CCDC85A: variants seen among roughly 807,000 people sequenced by gnomAD.
CCDC85A encodes coiled-coil domain-containing protein 85A.
A neutral mutation model predicts 50.2 loss-of-function variants in CCDC85A; 38 were observed. The observed-to-expected ratio is 0.76, with a 90% CI of 0.58 to 0.99. The LOEUF is 0.99. Ranked by LOEUF, CCDC85A falls within the 50% of genes least tolerant of loss-of-function variation. The pLI is 0.00. For synonymous variants in CCDC85A, 366 were observed against 301.4 expected, an observed-to-expected ratio of 1.21 and a Z score of -2.22; for missense variants, 820 against 742.0, an observed-to-expected ratio of 1.11 and a Z score of -1.22.
At chr2:56,378,685 C>T (rs368949501) in intron 5 of CCDC85A, among the ~76,000 whole-genome samples, 8 of 152,236 alleles carry the variant, frequency 5.3e-5, no homozygotes, top group East Asian at 1.9e-4. Context: ...ATTACAGGAT[C>T]GAACTCTAGT....
intron 2 of CCDC85A, among the ~76,000 whole-genome samples, chr2:56,282,295 T>C (rs572563162): frequency 2.0e-5 from 3 of 152,338 alleles, no homozygotes; most frequent in East Asian, 3.9e-4. Flanking sequence ...AACACTGTCT[T>C]GATAACTGTA....
At chr2:56,208,362 T>G (rs189731327) in intron 2 of CCDC85A, among the ~76,000 whole-genome samples, 35 of 152,302 alleles carry the variant, frequency 2.3e-4, no homozygotes, top group African/African-American at 7.9e-4. Context: ...CTCCCACTAT[T>G]ACCCCATTGC....
intron 3 of CCDC85A, among the ~76,000 whole-genome samples, chr2:56,358,791 C>CTTT (rs34321150): frequency 6.8e-6 from 1 of 148,078 alleles, no homozygotes; most frequent in African/African-American, 2.5e-5. Flanking sequence ...TTTTTTCTTT[C>CTTT]TTTTTTTTTT....
intron 1 of CCDC85A, 77 bp downstream of exon 1, chr2:56,184,977 C>T: frequency 7.0e-7 from 1 of 1,418,888 alleles, no homozygotes; most frequent in Non-Finnish European, 9.2e-7. Context: ...GCCAGGCAAA[C>T]TTTCCCTCCC....
At chr2:56,242,813 G>C (rs1669323295) in intron 2 of CCDC85A, among the ~76,000 whole-genome samples, 1 of 152,030 alleles carries the variant, frequency 6.6e-6, no homozygotes, top group Admixed American at 6.6e-5. Context: ...CTCTGCTTGT[G>C]GGGTATTTGT....
intron 2 of CCDC85A, among the ~76,000 whole-genome samples, chr2:56,316,442 A>T (rs772492985): frequency 5.9e-5 from 9 of 152,140 alleles, no homozygotes; most frequent in Non-Finnish European, 1.2e-4. Context: ...GCATAGGAAG[A>T]TCAGCCCAGT....
At chr2:56,382,222 A>G (rs999038688) in intron 5 of CCDC85A, among the ~76,000 whole-genome samples, 2 of 152,068 alleles carry the variant, frequency 1.3e-5, no homozygotes, top group African/African-American at 2.4e-5. Flanking sequence ...AAGATTATGA[A>G]GGCTTGGCTT....
At chr2:56,268,153 A>T (rs1670533297) in intron 2 of CCDC85A, among the ~76,000 whole-genome samples, 1 of 152,190 alleles carries the variant, frequency 6.6e-6, no homozygotes, top group South Asian at 2.1e-4. Context: ...AGTAAGATCA[A>T]GTTTCTAAGT....
At chr2:56,205,082 C>G (rs1410626641) in intron 2 of CCDC85A, among the ~76,000 whole-genome samples, 2 of 152,096 alleles carry the variant, frequency 1.3e-5, no homozygotes, top group East Asian at 1.9e-4. Context: ...ACATAGTTCT[C>G]CACGTTGCTT....
At chr2:56,245,110 T>C (rs985286738) in intron 2 of CCDC85A, among the ~76,000 whole-genome samples, 1 of 152,216 alleles carries the variant, frequency 6.6e-6, no homozygotes, top group Admixed American at 6.5e-5. Flanking sequence ...ACAAGTCCAC[T>C]GGCTGTGAGC....
At chr2:56,383,268 G>A (rs1371466161) in intron 5 of CCDC85A, among the ~76,000 whole-genome samples, 1 of 151,946 alleles carries the variant, frequency 6.6e-6, no homozygotes, top group East Asian at 1.9e-4. Context: ...AACAGTTTAT[G>A]AATAATTAAT....
intron 2 of CCDC85A, among the ~76,000 whole-genome samples, chr2:56,338,981 T>C (rs548661595): frequency 3.9e-5 from 6 of 152,182 alleles, no homozygotes; most frequent in Non-Finnish European, 7.4e-5. Context: ...GAAGAGTGTA[T>C]TTTTGTTTGA....
chr2:56,249,597 G>A (rs777655818), intron 2 of CCDC85A, among the ~76,000 whole-genome samples: 3 of 152,244 alleles, frequency 2.0e-5, no homozygotes, highest in Non-Finnish European at 4.4e-5. Context: ...TGCGTATGCA[G>A]CATCTTTCAT....
At chr2:56,200,768 T>C (rs1368797098) in intron 2 of CCDC85A, among the ~76,000 whole-genome samples, 1 of 152,112 alleles carries the variant, frequency 6.6e-6, no homozygotes, top group Non-Finnish European at 1.5e-5. Flanking sequence ...AGATGGCTGT[T>C]CATTTACCAT....
chr2:56,270,455 A>G (rs1376846778), intron 2 of CCDC85A, among the ~76,000 whole-genome samples: 1 of 152,206 alleles, frequency 6.6e-6, no homozygotes, highest in East Asian at 1.9e-4. Flanking sequence ...GTTAAATAGT[A>G]TCTTCACATT....
chr2:56,263,227 G>T (rs1375920556), intron 2 of CCDC85A, among the ~76,000 whole-genome samples: 1 of 152,162 alleles, frequency 6.6e-6, no homozygotes, highest in African/African-American at 2.4e-5. Context: ...TGCATAAGGG[G>T]AGAAGATGCC....
chr2:56,242,641 A>G (rs1056971054), intron 2 of CCDC85A, among the ~76,000 whole-genome samples: 2 of 152,104 alleles, frequency 1.3e-5, no homozygotes, highest in African/African-American at 4.8e-5. Flanking sequence ...TTCAACATAA[A>G]ATTTGAGTGG....
At chr2:56,342,742 A>T in intron 2 of CCDC85A, 137 bp from the exon 3 acceptor site, 2 of 514,704 alleles carry the variant, frequency 3.9e-6, no homozygotes, top group Non-Finnish European at 3.4e-6. Context: ...TTTTTCTGGG[A>T]GATATTTTTT....
At chr2:56,316,588 C>A (rs1386614590) in intron 2 of CCDC85A, among the ~76,000 whole-genome samples, 1 of 151,906 alleles carries the variant, frequency 6.6e-6, no homozygotes, top group Non-Finnish European at 1.5e-5. Context: ...CGAAAAAACT[C>A]ACTTCACTTA....
Sources: allele counts gnomAD v4.1 joint callset (sites outside exome capture counted in the v4.1 genomes callset), GRCh38; gene constraint gnomAD v4.1.1; transcripts MANE v1.5; gene names NCBI Gene and HGNC (gene_info 2026-07-23, HGNC 2026-07-21).